The following ANO9 variants were observed in gnomAD, a reference collection of about 807,000 sequenced individuals.
ANO9 encodes the protein anoctamin-9.
In ANO9, 80 loss-of-function variants were observed where a neutral mutation model predicts 100.5. The ratio of observed to expected loss-of-function variants is 0.80; its 90% CI spans 0.66 to 0.96. The LOEUF (loss-of-function observed/expected upper bound fraction) is 0.96. Ranked by LOEUF, ANO9 falls within the 40% of genes least tolerant of loss-of-function variation. The pLI is 0.00. For synonymous variants in ANO9, 473 were observed against 435.6 expected (o/e 1.09, Z -1.07); for missense variants, 1,064 against 1,072.7 (o/e 0.99, Z 0.11).
Position 431,721 on chromosome 11 carries a change from A to C in ANO9, c.512T>G (p.Phe171Cys), listed in dbSNP as rs773666347. The change falls in exon 7 of 23, where the codon TTC becomes TGC. Residue 171 changes from phenylalanine to cysteine, a missense_variant. Physicochemically the swap from Phe to Cys is radical, Grantham distance 205. Transcript: ENST00000332826. ...GATTTCATCAACTGGCTGCTCCCGG[A>C]ACATGTGTCTCCACCGCGCCCACGT... ...KKTWARWRHM[F>C]REQPVDEIRN... 6.2e-7 allele frequency: 1 copy of C among 1,612,526 alleles called. No homozygotes were observed. Among genetic ancestry groups the C allele is most frequent in the Non-Finnish European group, 8.5e-7 (1 of 1,179,526 alleles).
chr11:420,041 C>A (rs1848077064), intron 19 of ANO9: 3 of 1,331,332 alleles, frequency 2.3e-6, no homozygotes, highest in Non-Finnish European at 2.9e-6. Context: ...GACCTTGTAA[C>A]CTGGGCCCGA....
chr11:433,784 T>TGGCCCTGCCCCTC, intron 3 of ANO9, 31 bp downstream of exon 3: 1 of 1,538,968 alleles, frequency 6.5e-7, no homozygotes, highest in Non-Finnish European at 8.8e-7. Flanking sequence ...CCCGGCCCCA[T>TGGCCCTGCCCCTC]GGCCCTGCCC....
chr11:422,134 G>A lies in ANO9; in HGVS notation c.1335-936C>T, dbSNP rs1275029302. ...GGGAAACATGGCATGAGAAAGTATC[G>A]GTCACCCGCAGACACCAGCACAAGT... On this transcript the variant is annotated intron_variant, in intron 15 of 22. Transcript: ENST00000332826. This position sits in a 1 kb window ranked among gnomAD's most constrained non-coding sequence, Gnocchi z 4.3. Among the ~76,000 whole-genome samples, 3 of 152,120 alleles carry A rather than the reference G, an allele frequency of 2.0e-5. No homozygotes were observed. Among genetic ancestry groups the A allele is most frequent in the Non-Finnish European group, 4.4e-5 (3 of 68,024 alleles).
In ANO9 at chr11:421,180, C is replaced by A; in HGVS notation, c.1353G>T (p.Gly451=). The part of the protein sequence containing the change: ...FILGRINGHP[G]KSTRLAGLWK... Reference sequence around the variant, plus strand: ...ACAAGCCCGCCAGGCGCGTGGACTTCCCGGGGTGGCCGTTGATCCTGGGGA... The same window carrying A: ...ACAAGCCCGCCAGGCGCGTGGACTTACCGGGGTGGCCGTTGATCCTGGGGA... The change falls in exon 16 of 23, where the codon GGG becomes GGT. Residue 451 remains glycine, a synonymous_variant. Transcript: ENST00000332826. The surrounding 1 kb of genome is among the most constrained non-coding windows in gnomAD (Gnocchi z 6.8). 1 of 1,556,688 alleles carries A rather than the reference C, an allele frequency of 6.4e-7. No homozygotes were observed.
In ANO9 at chr11:434,045, CAGCGGGA is replaced by C. The variant is rs996302767; in HGVS notation, c.53_59del (p.Phe18Ter). 18 of 1,550,980 alleles carry C rather than the reference CAGCGGGA, an allele frequency of 1.2e-5. No individual in the cohort carries two copies. The Admixed American group carries it at 1.8e-4, about 15-fold the overall frequency. ...CCACCTCACAGGTGCTGATCTCCAT[CAGCGGGA>C]AGCTGTCCCCTTCGGGCTCCACCAG... On this transcript the variant is annotated frameshift_variant, in exon 2 of 23. Coordinates refer to ENST00000332826, the MANE Select transcript of ANO9 (RefSeq NM_001012302.3). LOFTEE classifies it high-confidence loss of function.
At chr11:429,732 C>T (rs1049766937) in intron 10 of ANO9, 26 bp downstream of exon 10, 32 of 1,611,490 alleles carry the variant, frequency 2.0e-5, no homozygotes, top group Non-Finnish European at 2.6e-5. Context: ...CCCCTGGCCC[C>T]GCAGAGGCGT....
intron 20 of ANO9, chr11:419,377 C>T (rs1848038553): frequency 2.1e-6 from 3 of 1,420,588 alleles, no homozygotes; most frequent in African/African-American, 1.4e-5. Context: ...CAACTGCGGT[C>T]CTGGCCAGTT....
chr11:422,600 C>T lies in ANO9; in HGVS notation c.1335-1402G>A, dbSNP rs1848260048. Among the ~76,000 whole-genome samples the T allele has an allele frequency of 6.6e-6, 1 of 152,162 alleles. No homozygotes were observed. The highest frequency in any genetic ancestry group is 1.5e-5 in the Non-Finnish European group (1 of 68,038). On this transcript the variant is annotated intron_variant, in intron 15 of 22. Transcript: ENST00000332826. The surrounding 1 kb of genome is among the most constrained non-coding windows in gnomAD (Gnocchi z 4.3). ...CTCTGCAGGGGGAGGAGCAGCCGTGCACCAAGGAGAAGCTGAAAGTGAATT... is the reference window on the plus strand; with the variant it reads ...CTCTGCAGGGGGAGGAGCAGCCGTGTACCAAGGAGAAGCTGAAAGTGAATT...
intron 19 of ANO9, chr11:420,065 C>T (rs1848079311): frequency 7.6e-7 from 1 of 1,323,764 alleles, no homozygotes; most frequent in South Asian, 1.7e-5. Flanking sequence ...TGGGGGCCTC[C>T]CTAACACCTC....
In ANO9 at chr11:420,453, C is replaced by G. The variant is rs1430335759; in HGVS notation, c.1786+10G>C. On this transcript the variant is annotated intron_variant, in intron 19 of 22. Coordinates refer to ENST00000332826, the MANE Select transcript of ANO9 (RefSeq NM_001012302.3). ...CAGTTCCCGCCCATCCTGCGCCCGC[C>G]CGGTCTGACCGATGTCCTTGGCCTT... 6.2e-7 allele frequency: 1 copy of G among 1,600,128 alleles called. No individual in the cohort carries two copies. Among genetic ancestry groups the G allele is most frequent in the Non-Finnish European group, 8.5e-7 (1 of 1,179,086 alleles).
intron 1 of ANO9, among the ~76,000 whole-genome samples, chr11:438,371 C>T (rs1365981519): frequency 7.1e-6 from 1 of 140,276 alleles, no homozygotes; most frequent in Admixed American, 7.0e-5. Flanking sequence ...ACACACACAG[C>T]CAGACAGGTG....
intron 1 of ANO9, 67 bp downstream of exon 1, chr11:441,854 G>C: frequency 1.9e-6 from 3 of 1,558,416 alleles, no homozygotes; most frequent in East Asian, 4.6e-5. Context: ...GGCTGGGGCC[G>C]GGGGCCCCAG....
At chr11:437,020 A>ATGAGCTGGGGG (rs1484796272) in intron 1 of ANO9, among the ~76,000 whole-genome samples, 2 of 11,384 alleles carry the variant, frequency 1.8e-4, no homozygotes, top group East Asian at 9.1e-3. Flanking sequence ...TGAGCTGGAG[A>ATGAGCTGGGGG]TGAGCGGGGG....
Position 431,910 on chromosome 11 carries a change from G to A in ANO9, c.407-4C>T. 2 of 1,611,240 alleles carry A rather than the reference G, an allele frequency of 1.2e-6. No individual in the cohort carries two copies. Among genetic ancestry groups the A allele is most frequent in the Non-Finnish European group, 1.7e-6 (2 of 1,178,502 alleles). On this transcript the variant is annotated splice_region_variant and splice_polypyrimidine_tract_variant and intron_variant, in intron 5 of 22. Coordinates refer to ENST00000332826, the MANE Select transcript of ANO9 (RefSeq NM_001012302.3). ...TTCATCAGATCCTCGAAGGTCTCTG[G>A]GTCACAGGGGTTCACGAGTCAGGGG...
At chr11:429,293 G>C in intron 11 of ANO9, among the ~76,000 whole-genome samples, 1 of 136,650 alleles carries the variant, frequency 7.3e-6, no homozygotes, top group Non-Finnish European at 1.6e-5. Context: ...CACACATGGG[G>C]AGACAGACAT....
Position 431,918 on chromosome 11 carries a change from G to A in ANO9, c.407-12C>T. On this transcript the variant is annotated splice_polypyrimidine_tract_variant and intron_variant, in intron 5 of 22. Coordinates refer to ENST00000332826, the MANE Select transcript of ANO9 (RefSeq NM_001012302.3). ...ATCCTCGAAGGTCTCTGGGTCACAG[G>A]GGTTCACGAGTCAGGGGGAGTGAGG... 6.2e-7 allele frequency: 1 copy of A among 1,611,276 alleles called. No homozygotes were observed. The highest frequency in any genetic ancestry group is 8.5e-7 in the Non-Finnish European group (1 of 1,178,530).
chr11:437,158 C>A (rs574011716), intron 1 of ANO9, among the ~76,000 whole-genome samples: 29 of 152,056 alleles, frequency 1.9e-4, no homozygotes, highest in Admixed American at 3.3e-4. Flanking sequence ...GTGCACTGCG[C>A]ATGCAGGGAT....
Position 429,613 on chromosome 11 carries a change from C to G in ANO9, c.872G>C (p.Arg291Pro), listed in dbSNP as rs778037587. The stretch of plus-strand genomic sequence containing the variant: ...GTACAGGTCCCAGTGCAGGACCACG[C>G]GGGCGCGCTGCCGCTTCCAGATCTC... ...FLEIWKRQRA[R>P]VVLHWDLYVW... The change falls in exon 11 of 23, where the codon CGC becomes CCC. Residue 291 changes from arginine (R) to proline (P), a missense_variant. Arg to Pro is a moderately radical substitution (Grantham distance 103, BLOSUM62 -2). Transcript: ENST00000332826. The G allele has an allele frequency of 1.2e-6, 2 of 1,612,616 alleles. No homozygotes were observed. The highest frequency in any genetic ancestry group is 1.7e-6 in the Non-Finnish European group (2 of 1,179,876).
At chr11:428,058 G>A (rs1228610588) in intron 15 of ANO9, 30 bp downstream of exon 15, 1 of 1,467,726 alleles carries the variant, frequency 6.8e-7, no homozygotes, top group East Asian at 2.5e-5. Context: ...CTCGTGAGTT[G>A]GGTTGGAGGG....
Sources: gnomAD v4.1 joint callset for allele counts (sites outside exome capture counted in the v4.1 genomes callset) on GRCh38, gnomAD v4.1.1 for gene constraint, Gnocchi (gnomAD v3.1) non-coding constraint, MANE v1.5 for transcripts, NCBI Gene and HGNC (gene_info 2026-07-23, HGNC 2026-07-21) for gene names.